Variants in CDV3 observed in about 807,000 individuals in gnomAD.
The protein encoded by CDV3 is protein CDV3 homolog.
Under a neutral mutation model 24.5 loss-of-function variants are expected in CDV3, and 14 were observed. The observed-to-expected ratio is 0.57, with a 90% CI of 0.38 to 0.89. The LOEUF (loss-of-function observed/expected upper bound fraction) is 0.89. Ranked by LOEUF, CDV3 falls within the 40% of genes least tolerant of loss-of-function variation. CDV3 has a pLI of 0.00. For synonymous variants in CDV3, 114 were observed against 114.1 expected, an observed-to-expected ratio of 1.00 and a Z score of 0.00; for missense variants, 304 against 310.2, an observed-to-expected ratio of 0.98 and a Z score of 0.15.
In CDV3 at chr3:133,574,213, C is replaced by T. The variant is rs1396516322; in HGVS notation, c.169C>T (p.Arg57Trp). The T allele has an allele frequency of 5.0e-6, 5 of 1,008,608 alleles. No individual in the cohort carries two copies. Among genetic ancestry groups the T allele is most frequent in the Admixed American group, 6.0e-5 (1 of 16,560 alleles). 62.5% of individuals were successfully genotyped at this position (1,008,608 alleles called of 1,614,324 possible). The change falls in exon 1 of 5, where the codon CGG (arginine) becomes TGG (tryptophan). Residue 57 changes from arginine (R) to tryptophan (W), a missense_variant. Coordinates refer to ENST00000264993, the MANE Select transcript of CDV3 (RefSeq NM_017548.5). ...GGGCGGCGGGGCGGGCGCGGGGACC[C>T]GGCCGGGTGACGGCGGGACCGCCAG... ...AAGGGAGAGT[R>W]PGDGGTASAG...
Position 133,588,588 on chromosome 3 carries a change from AC to A in CDV3, c.*545del. The A allele has an allele frequency of 1.7e-6, 1 of 596,718 alleles. No individual in the cohort carries two copies. The highest frequency in any genetic ancestry group is 3.0e-5 in the Admixed American group (1 of 33,404). 37.0% of individuals were successfully genotyped at this position (596,718 alleles called of 1,614,324 possible). On this transcript the variant is annotated 3_prime_UTR_variant, in exon 5 of 5. Coordinates refer to ENST00000264993, the MANE Select transcript of CDV3 (RefSeq NM_017548.5). ...CCTTAATTAACCTGTCCTGTGCCCT[AC>A]CCTTAAGGAATACTCTCTGTAGTAG...
At chr3:133,587,113 A>T (rs1305683771) in intron 4 of CDV3, 3 of 985,756 alleles carry the variant, frequency 3.0e-6, no homozygotes, top group African/African-American at 3.3e-5. Context: ...TATAGACAGA[A>T]GATGTTGGCA....
At position 133,574,131 on chromosome 3, in the gene CDV3, G is replaced by T; in HGVS notation, c.87G>T (p.Ala29=). 1.7e-6 allele frequency: 2 copies of T among 1,195,386 alleles called. No homozygotes were observed. Among genetic ancestry groups the T allele is most frequent in the Non-Finnish European group, 1.1e-6 (1 of 941,718 alleles). The allele number at this position is 1,195,386 out of a possible 1,614,324, so 74.0% of individuals were successfully genotyped here. A position where few individuals can be genotyped will look rare whatever the true frequency, so the allele number is the denominator to read the frequency against. The change falls in exon 1 of 5, where the codon GCG becomes GCT. Residue 29 remains alanine, a synonymous_variant. Transcript: ENST00000264993. ...KKKKERSNRA[A]SAAGAAGSAG... ...AGAAGGAGCGGAGCAACCGGGCGGC[G>T]AGTGCCGCGGGCGCAGCGGGCAGCG...
At chr3:133,580,425 G>A (rs1015008931) in intron 2 of CDV3, among the ~76,000 whole-genome samples, 3 of 152,200 alleles carry the variant, frequency 2.0e-5, no homozygotes, top group Middle Eastern at 3.4e-3. Context: ...TCTTTTGGCC[G>A]GGCACAGTGG....
At position 133,588,170 on chromosome 3, in the gene CDV3, G is replaced by A. The variant is rs758109101; in HGVS notation, c.*124G>A. 17 of 1,540,258 alleles carry A rather than the reference G, an allele frequency of 1.1e-5. No individual in the cohort carries two copies. Among genetic ancestry groups the A allele is most frequent in the East Asian group, 4.6e-5 (2 of 43,286 alleles). ...ATGCAGACCACTCGATTTCATGACCGGCCCTATTGCACTATGGAAGTTAAA... is the reference window on the plus strand; with the variant it reads ...ATGCAGACCACTCGATTTCATGACCAGCCCTATTGCACTATGGAAGTTAAA... On this transcript the variant is annotated 3_prime_UTR_variant, in exon 5 of 5. Coordinates refer to ENST00000264993, the MANE Select transcript of CDV3 (RefSeq NM_017548.5).
In CDV3 at chr3:133,588,428, T is replaced by TGGATAAGAAGATTACAACTTAA. The variant is rs1933823842; in HGVS notation, c.*401_*402insTAAGGATAAGAAGATTACAACT. The TGGATAAGAAGATTACAACTTAA allele has an allele frequency of 2.1e-6, 3 of 1,448,680 alleles. No individual in the cohort carries two copies. The highest frequency in any genetic ancestry group is 2.8e-6 in the Non-Finnish European group (3 of 1,067,852). The allele number at this position is 1,448,680 out of a possible 1,614,324, so 89.7% of individuals were successfully genotyped here. A position where few individuals can be genotyped will look rare whatever the true frequency, so the allele number is the denominator to read the frequency against. ...TGGACTTCATGTGGATCACAACTTC[T>TGGATAAGAAGATTACAACTTAA]GGATAAGAAGATTACAACTATTAAG... On this transcript the variant is annotated 3_prime_UTR_variant, in exon 5 of 5. Transcript: ENST00000264993.
rs1204387199 is a variant in CDV3 at position 133,586,566 on chromosome 3, C to T, written c.470C>T (p.Thr157Ile). The change falls in exon 4 of 5, where the codon ACA (threonine) becomes ATA (isoleucine). Residue 157 changes from threonine to isoleucine, a missense_variant. By Grantham distance (89) the Thr-to-Ile change is moderately conservative. Transcript: ENST00000264993. The part of the protein sequence containing the change: ...VQAPPAPVIV[T>I]ETPEPAMTSG... Reference sequence around the variant, plus strand: ...AAAAATTGTTATAAAATATTAGTTACAGAAACCCCAGAACCAGCGATGACT... The same window carrying T: ...AAAAATTGTTATAAAATATTAGTTATAGAAACCCCAGAACCAGCGATGACT... The T allele has an allele frequency of 1.3e-6, 2 of 1,548,010 alleles. No individual in the cohort carries two copies. Among genetic ancestry groups the T allele is most frequent in the African/African-American group, 1.4e-5 (1 of 72,620 alleles).
chr3:133,575,659 C>T (rs200971075), intron 2 of CDV3, among the ~76,000 whole-genome samples: 2 of 152,202 alleles, frequency 1.3e-5, no homozygotes, highest in East Asian at 3.8e-4. Context: ...TCACCTTCAA[C>T]ATAACCACTA....
intron 2 of CDV3, among the ~76,000 whole-genome samples, chr3:133,581,211 C>CA (rs1192508429): frequency 4.6e-5 from 7 of 151,678 alleles, no homozygotes; most frequent in Admixed American, 3.3e-4. Context: ...CCTGTCTCTA[C>CA]AAAAAAATGT....
intron 3 of CDV3, among the ~76,000 whole-genome samples, chr3:133,586,296 A>G (rs144871540): frequency 0.022 from 3,277 of 152,026 alleles, 139 homozygotes; most frequent in African/African-American, 0.075. Flanking sequence ...GGGTTTCATC[A>G]TGTTGGCCCA....
chr3:133,582,208 G>A (rs1933108147), intron 2 of CDV3, among the ~76,000 whole-genome samples: 1 of 152,152 alleles, frequency 6.6e-6, no homozygotes, highest in African/African-American at 2.4e-5. Context: ...CCAGGCTGGA[G>A]TGCAGTGGCA....
In CDV3 at chr3:133,584,170, T is replaced by G. The variant is rs1933350227; in HGVS notation, c.466+20T>G. 5 of 1,557,104 alleles carry G rather than the reference T, an allele frequency of 3.2e-6. No individual in the cohort carries two copies. The highest frequency in any genetic ancestry group is 4.4e-6 in the Non-Finnish European group (5 of 1,142,034). ...TAATTGGTAATTTTACTATTTCAGTTTCAGAAAGATGTCTAATTTATATAT... is the reference window on the plus strand; with the variant it reads ...TAATTGGTAATTTTACTATTTCAGTGTCAGAAAGATGTCTAATTTATATAT... On this transcript the variant is annotated intron_variant, in intron 3 of 4. Transcript: ENST00000264993.
chr3:133,584,885 G>C (rs1289821213), intron 3 of CDV3, among the ~76,000 whole-genome samples: 1 of 152,080 alleles, frequency 6.6e-6, no homozygotes, highest in African/African-American at 2.4e-5. Flanking sequence ...GGAGTGGGGG[G>C]CAGTTAGGAA....
Position 133,587,921 on chromosome 3 carries a change from G to GA in CDV3, c.654dup (p.Val219SerfsTer7). ...GGATAAAGAAATGGAGAAGAGCTTTGAAGTAGTAAGACACAAAAATAGAGG... is the reference window on the plus strand; with the variant it reads ...GGATAAAGAAATGGAGAAGAGCTTTGAAAGTAGTAAGACACAAAAATAGAGG... On this transcript the variant is annotated frameshift_variant, in exon 5 of 5. Coordinates refer to ENST00000264993, the MANE Select transcript of CDV3 (RefSeq NM_017548.5). LOFTEE classifies it high-confidence loss of function. 2 of 1,611,454 alleles carry GA rather than the reference G, an allele frequency of 1.2e-6. No homozygotes were observed. The highest frequency in any genetic ancestry group is 1.7e-6 in the Non-Finnish European group (2 of 1,178,260).
intron 2 of CDV3, among the ~76,000 whole-genome samples, chr3:133,577,875 A>G (rs1283373888): frequency 6.6e-6 from 1 of 152,220 alleles, no homozygotes; most frequent in Non-Finnish European, 1.5e-5. Context: ...ATCTTATTCA[A>G]GGTCATGCTG....
rs534207631 is a variant in CDV3, at chr3:133,589,421, T to C, written c.*1375T>C. The C allele has an allele frequency of 6.5e-6, 1 of 152,798 alleles. No individual in the cohort carries two copies. The highest frequency in any genetic ancestry group is 1.9e-4 in the East Asian group (1 of 5,194). 9.5% of individuals were successfully genotyped at this position (152,798 alleles called of 1,614,324 possible). A position where few individuals can be genotyped will look rare whatever the true frequency, so the allele number is the denominator to read the frequency against. On this transcript the variant is annotated 3_prime_UTR_variant, in exon 5 of 5. Transcript: ENST00000264993. ...TACCTATTAATAGTTTTGGGTCATT[T>C]AAAGGGACTTGAGGAAGCTACCCAG...
chr3:133,589,511 A>G lies in CDV3; in HGVS notation c.*1465A>G, dbSNP rs1933918562. On this transcript the variant is annotated 3_prime_UTR_variant, in exon 5 of 5. Coordinates refer to ENST00000264993, the MANE Select transcript of CDV3 (RefSeq NM_017548.5). The stretch of plus-strand genomic sequence containing the variant: ...GTTTCCTAGTTTTGTATCTGGTTCA[A>G]TAGAAATATGTGAAAGTGGTAATGT... 6.5e-6 allele frequency: 1 copy of G among 152,676 alleles called. No individual in the cohort carries two copies. Among genetic ancestry groups the G allele is most frequent in the Admixed American group, 6.5e-5 (1 of 15,282 alleles). 9.5% of individuals were successfully genotyped at this position (152,676 alleles called of 1,614,324 possible).
At position 133,575,744 on chromosome 3, in the gene CDV3, C is replaced by CA. The variant is rs775982523; in HGVS notation, c.317+636dup. On this transcript the variant is annotated intron_variant, in intron 2 of 4. Coordinates refer to ENST00000264993, the MANE Select transcript of CDV3 (RefSeq NM_017548.5). ...TGTAAACATGTTATTTTTTAAAGTT[C>CA]AAAAAAATAGTAATTTTTAAAAATT... is the stretch of plus-strand genomic sequence containing the variant. Among the ~76,000 whole-genome samples the CA allele has an allele frequency of 1.4e-4, 21 of 152,002 alleles. 2 individuals carry two copies. Among genetic ancestry groups the CA allele is most frequent in the African/African-American group, 2.4e-4 (10 of 41,482 alleles).
chr3:133,574,328 C>T (rs2074716688), intron 1 of CDV3, 44 bp downstream of exon 1: 5 of 928,182 alleles, frequency 5.4e-6, no homozygotes, highest in South Asian at 4.9e-5. Flanking sequence ...GGCCGCGCGC[C>T]GGCGCCCCAT....
Sources: allele counts gnomAD v4.1 joint callset (sites outside exome capture counted in the v4.1 genomes callset), GRCh38; gene constraint gnomAD v4.1.1; transcripts MANE v1.5; gene names NCBI Gene and HGNC (gene_info 2026-07-23, HGNC 2026-07-21).